The following CHCHD6 variants were observed in gnomAD, a reference collection of about 807,000 sequenced individuals.
CHCHD6 encodes MICOS complex subunit MIC25.
Under a neutral mutation model 32.3 loss-of-function variants are expected in CHCHD6, and 28 were observed. The observed-to-expected ratio is 0.87, with a 90% confidence interval of 0.64 to 1.19. The LOEUF (loss-of-function observed/expected upper bound fraction) is 1.19. CHCHD6 is among the 50% of genes most tolerant of loss of function. CHCHD6 has a pLI of 0.00. For synonymous variants in CHCHD6, 122 were observed against 117.5 expected, an observed-to-expected ratio of 1.04 and a Z score of -0.25; for missense variants, 333 against 307.0, an observed-to-expected ratio of 1.08 and a Z score of -0.63.
chr3:126,846,009 A>G (rs954382835), intron 4 of CHCHD6, among the ~76,000 whole-genome samples: 2 of 152,180 alleles, frequency 1.3e-5, no homozygotes, highest in African/African-American at 4.8e-5. Context: ...GTGCCATTTT[A>G]ATTTATCATG....
chr3:126,944,673 A>G (rs1249111291), intron 6 of CHCHD6, among the ~76,000 whole-genome samples: 1 of 152,138 alleles, frequency 6.6e-6, no homozygotes, highest in East Asian at 1.9e-4. Context: ...TCCACATAGG[A>G]CTACACAGAC....
intron 4 of CHCHD6, among the ~76,000 whole-genome samples, chr3:126,761,640 T>C (rs1937165312): frequency 6.6e-6 from 1 of 152,084 alleles, no homozygotes; most frequent in Admixed American, 6.5e-5. Flanking sequence ...TTGACCAGTC[T>C]GGTCTCAAAC....
chr3:126,844,479 T>A (rs1294615335), intron 4 of CHCHD6, among the ~76,000 whole-genome samples: 1 of 152,234 alleles, frequency 6.6e-6, no homozygotes, highest in African/African-American at 2.4e-5. Context: ...TATCTGGTCT[T>A]ATTTTTTGCC....
intron 5 of CHCHD6, among the ~76,000 whole-genome samples, chr3:126,889,698 C>T (rs2077729271): frequency 6.6e-6 from 1 of 152,242 alleles, no homozygotes; most frequent in Admixed American, 6.5e-5. Context: ...ACCGCCACTG[C>T]ACATCTTTCT....
At chr3:126,826,985 A>G (rs970533669) in intron 4 of CHCHD6, among the ~76,000 whole-genome samples, 2 of 152,162 alleles carry the variant, frequency 1.3e-5, no homozygotes, top group African/African-American at 4.8e-5. Context: ...GTAAATAGGA[A>G]TTAACAGGTG....
At chr3:126,863,899 A>ACCACCTCCTCCTCCACCATCG in intron 5 of CHCHD6, among the ~76,000 whole-genome samples, 3 of 138,648 alleles carry the variant, frequency 2.2e-5, no homozygotes, top group Admixed American at 7.1e-5. Flanking sequence ...CTCCACCATC[A>ACCACCTCCTCCTCCACCATCG]ACACCTCCTC....
At chr3:126,782,613 C>T (rs1051331374) in intron 4 of CHCHD6, among the ~76,000 whole-genome samples, 3 of 152,194 alleles carry the variant, frequency 2.0e-5, no homozygotes, top group Non-Finnish European at 2.9e-5. Context: ...AAGAAGAGAG[C>T]TAGACTCAGG....
chr3:126,789,716 G>T (rs921870716), intron 4 of CHCHD6, among the ~76,000 whole-genome samples: 1 of 152,082 alleles, frequency 6.6e-6, no homozygotes, highest in Non-Finnish European at 1.5e-5. Context: ...GCCTATATGT[G>T]TCTCTGCACG....
chr3:126,716,651 C>G (rs1318580417), intron 1 of CHCHD6, among the ~76,000 whole-genome samples: 1 of 151,936 alleles, frequency 6.6e-6, no homozygotes, highest in African/African-American at 2.4e-5. Flanking sequence ...TGTGCTAAGC[C>G]CTGAAGATAC....
intron 4 of CHCHD6, among the ~76,000 whole-genome samples, chr3:126,811,557 AT>A (rs911376245): frequency 1.1e-3 from 166 of 144,682 alleles, no homozygotes; most frequent in South Asian, 2.6e-3. Context: ...CCACTTTTCC[AT>A]TTTTTTTTTT....
At chr3:126,944,460 A>C (rs1385521419) in intron 6 of CHCHD6, among the ~76,000 whole-genome samples, 1 of 152,250 alleles carries the variant, frequency 6.6e-6, no homozygotes, top group Non-Finnish European at 1.5e-5. Flanking sequence ...CGAGGTAATA[A>C]GCTGTGGTTC....
At chr3:126,915,379 C>T (rs993336151) in intron 6 of CHCHD6, among the ~76,000 whole-genome samples, 2 of 152,164 alleles carry the variant, frequency 1.3e-5, no homozygotes, top group Middle Eastern at 3.2e-3. Flanking sequence ...TCACAGTGTG[C>T]CCAGTACCAG....
chr3:126,775,246 C>T lies in CHCHD6; in HGVS notation c.411+42024C>T, dbSNP rs867849575. Among the ~76,000 whole-genome samples the T allele has an allele frequency of 1.3e-4, 20 of 152,292 alleles. No homozygotes were observed. In the Middle Eastern group the frequency reaches 0.014, roughly 104 times the overall value. ...CAGCAGTGTCTGAGAGTGCCTGTGG[C>T]CAGCACTGAGTCCTAGCATCCTTTT... is the stretch of plus-strand genomic sequence containing the variant. On this transcript the variant is annotated intron_variant, in intron 4 of 7. Coordinates refer to ENST00000290913, the MANE Select transcript of CHCHD6 (RefSeq NM_032343.3).
At chr3:126,886,685 AG>A (rs2077684519) in intron 5 of CHCHD6, among the ~76,000 whole-genome samples, 2 of 152,224 alleles carry the variant, frequency 1.3e-5, no homozygotes, top group South Asian at 4.1e-4. Flanking sequence ...GAAGGGCATC[AG>A]GATCCCAGAG....
At position 126,898,383 on chromosome 3, in the gene CHCHD6, G is replaced by A. The variant is rs540209533; in HGVS notation, c.496-16297G>A. Among the ~76,000 whole-genome samples, 4 of 152,344 alleles carry A rather than the reference G, an allele frequency of 2.6e-5. No individual in the cohort carries two copies. In the East Asian group the frequency reaches 5.8e-4, roughly 22 times the overall value. ...TGAGTTGTGCTGGGCACAGTGCTGG[G>A]CCCGCATCTGGCCAGCTGGGGCACC... On this transcript the variant is annotated intron_variant, in intron 5 of 7. Transcript: ENST00000290913.
chr3:126,931,135 G>T (rs1056076213), intron 6 of CHCHD6, among the ~76,000 whole-genome samples: 5 of 152,182 alleles, frequency 3.3e-5, no homozygotes, highest in South Asian at 2.1e-4. Flanking sequence ...ATGAGGCTTT[G>T]CTTCCCACCG....
intron 5 of CHCHD6, among the ~76,000 whole-genome samples, chr3:126,885,580 T>C (rs2107575256): frequency 6.6e-6 from 1 of 152,384 alleles, no homozygotes; most frequent in South Asian, 2.1e-4. Context: ...TGAGTTCATA[T>C]TGTAAGAGAT....
intron 5 of CHCHD6, among the ~76,000 whole-genome samples, chr3:126,857,770 A>G (rs527920699): frequency 6.6e-6 from 1 of 152,364 alleles, no homozygotes; most frequent in South Asian, 2.1e-4. Flanking sequence ...GCACACTCGG[A>G]AGAATGGCCA....
At chr3:126,882,275 G>T (rs2077620973) in intron 5 of CHCHD6, among the ~76,000 whole-genome samples, 1 of 152,176 alleles carries the variant, frequency 6.6e-6, no homozygotes, top group African/African-American at 2.4e-5. Context: ...TCTCCGCCTT[G>T]CCTCATCGTC....
Sources: allele counts gnomAD v4.1 joint callset (sites outside exome capture counted in the v4.1 genomes callset), GRCh38; gene constraint gnomAD v4.1.1; transcripts MANE v1.5; gene names NCBI Gene and HGNC (gene_info 2026-07-23, HGNC 2026-07-21).